Variants in NXPE2 observed in about 807,000 individuals in gnomAD.
The protein encoded by NXPE2 is NXPE family member 2.
A neutral mutation model predicts 34.4 loss-of-function variants in NXPE2; 34 were observed. The ratio of observed to expected loss-of-function variants is 0.99; its 90% CI spans 0.75 to 1.31. The LOEUF (loss-of-function observed/expected upper bound fraction) is 1.31, where lower values mean the gene tolerates loss of function less well. Ranked by LOEUF, NXPE2 falls within the 40% of genes most tolerant of loss-of-function variation. The pLI is 0.00. For missense variants in NXPE2, 649 were observed against 672.5 expected, an observed-to-expected ratio of 0.97 and a Z score of 0.39; for synonymous variants, 235 against 231.3, an observed-to-expected ratio of 1.02 and a Z score of -0.15.
chr11:114,532,274 AAG>A, the NXPE2 span, among the ~76,000 whole-genome samples: 1 of 152,266 alleles, frequency 6.6e-6, no homozygotes, highest in Admixed American at 6.5e-5. Flanking sequence ...AACCTTGGCA[AAG>A]CCAAAAGACA....
chr11:114,745,568 A>G, the NXPE2 span, among the ~76,000 whole-genome samples: 3 of 152,184 alleles, frequency 2.0e-5, no homozygotes, highest in South Asian at 2.1e-4. Context: ...CTATATTCAA[A>G]CCATAGCAAG....
the NXPE2 span, among the ~76,000 whole-genome samples, chr11:114,504,794 A>G: frequency 6.6e-6 from 1 of 152,254 alleles, no homozygotes; most frequent in Non-Finnish European, 1.5e-5. Context: ...AGCGCAAGGA[A>G]TGCTGAAAAC....
the NXPE2 span, among the ~76,000 whole-genome samples, chr11:114,651,183 C>T: frequency 1.3e-5 from 2 of 152,042 alleles, no homozygotes; most frequent in Non-Finnish European, 2.9e-5. Context: ...AAGCCGTGGA[C>T]CCTCGCGGTT....
intron 2 of NXPE2, among the ~76,000 whole-genome samples, chr11:114,688,987 T>G (rs1380680096): frequency 1.3e-5 from 2 of 152,078 alleles, no homozygotes; most frequent in Non-Finnish European, 2.9e-5. Flanking sequence ...ATTTTCTCCT[T>G]TGTGAATCTA....
At chr11:114,546,453 T>C in the NXPE2 span, among the ~76,000 whole-genome samples, 1 of 142,184 alleles carries the variant, frequency 7.0e-6, no homozygotes, top group Non-Finnish European at 1.5e-5. Flanking sequence ...ATCATACATA[T>C]ATATATTTTT....
the NXPE2 span, among the ~76,000 whole-genome samples, chr11:114,629,769 A>C: frequency 6.6e-6 from 1 of 150,468 alleles, no homozygotes; most frequent in Non-Finnish European, 1.5e-5. Context: ...TATCTAGAAA[A>C]CCCCATTGTC....
chr11:114,737,099 T>C, the NXPE2 span, among the ~76,000 whole-genome samples: 1 of 152,214 alleles, frequency 6.6e-6, no homozygotes, highest in African/African-American at 2.4e-5. Context: ...CTTTATACAA[T>C]TGGATTTCTC....
At chr11:114,621,697 T>C in the NXPE2 span, among the ~76,000 whole-genome samples, 1 of 152,164 alleles carries the variant, frequency 6.6e-6, no homozygotes, top group Non-Finnish European at 1.5e-5. Flanking sequence ...TGGTAACCAC[T>C]GTTACTCAGT....
chr11:114,711,758 T>A (rs953323270), downstream of NXPE2, among the ~76,000 whole-genome samples: 3 of 152,156 alleles, frequency 2.0e-5, no homozygotes, highest in Non-Finnish European at 4.4e-5. Context: ...ATCATAAAAT[T>A]CATGTAGAAT....
the NXPE2 span, among the ~76,000 whole-genome samples, chr11:114,555,001 A>C: frequency 6.7e-6 from 1 of 150,188 alleles, no homozygotes; most frequent in African/African-American, 2.4e-5. Context: ...ATAAATCCCT[A>C]TCTTGTTTTC....
the NXPE2 span, among the ~76,000 whole-genome samples, chr11:114,508,496 T>C: frequency 6.6e-6 from 1 of 152,186 alleles, no homozygotes; most frequent in Admixed American, 6.5e-5. Flanking sequence ...CAAACTATAC[T>C]ACAGGGCTAC....
the NXPE2 span, among the ~76,000 whole-genome samples, chr11:114,724,860 A>G: frequency 1.6e-5 from 2 of 125,000 alleles, no homozygotes; most frequent in Non-Finnish European, 3.4e-5. Flanking sequence ...TTTTTTTTTA[A>G]CCCTCCACGT....
chr11:114,469,225 C>A, the NXPE2 span, among the ~76,000 whole-genome samples: 1 of 147,126 alleles, frequency 6.8e-6, no homozygotes, highest in African/African-American at 2.5e-5. Context: ...CATTCTCCTG[C>A]CTCAGCCTCC....
the NXPE2 span, among the ~76,000 whole-genome samples, chr11:114,506,500 A>G: frequency 9.8e-5 from 15 of 152,352 alleles, 1 homozygote; most frequent in Admixed American, 9.8e-4. Flanking sequence ...CTCCTCAGCA[A>G]ATGCAAAAGA....
chr11:114,466,838 T>C, the NXPE2 span, among the ~76,000 whole-genome samples: 1 of 152,198 alleles, frequency 6.6e-6, no homozygotes, highest in Non-Finnish European at 1.5e-5. Flanking sequence ...TAGAGCAGTT[T>C]AGTCTTCTTT....
chr11:114,570,155 A>G, the NXPE2 span, among the ~76,000 whole-genome samples: 31,520 of 152,102 alleles, frequency 0.21, 4,318 homozygotes, highest in African/African-American at 0.38. Flanking sequence ...GGCTCAGACT[A>G]TCTGGACCTA....
chr11:114,729,716 C>T, the NXPE2 span, among the ~76,000 whole-genome samples: 2 of 151,976 alleles, frequency 1.3e-5, no homozygotes, highest in African/African-American at 2.4e-5. Context: ...TACAGAAGTG[C>T]ATGTTCATGT....
chr11:114,579,747 G>A, the NXPE2 span, among the ~76,000 whole-genome samples: 3 of 152,198 alleles, frequency 2.0e-5, no homozygotes, highest in Non-Finnish European at 4.4e-5. Context: ...CAGATAGGAG[G>A]TAGAGAAGTC....
chr11:114,627,995 C>T, the NXPE2 span, among the ~76,000 whole-genome samples: 63 of 151,894 alleles, frequency 4.1e-4, no homozygotes, highest in African/African-American at 7.3e-4. Context: ...ATGGACCCAA[C>T]ACAGGAGCAC....
Sources: gnomAD v4.1 joint callset for allele counts (sites outside exome capture counted in the v4.1 genomes callset) on GRCh38, gnomAD v4.1.1 for gene constraint, MANE v1.5 for transcripts, NCBI Gene and HGNC (gene_info 2026-07-23, HGNC 2026-07-21) for gene names.